JAZF1: variants seen among roughly 807,000 people sequenced by gnomAD.
The protein encoded by JAZF1 is JAZF zinc finger 1.
A neutral mutation model predicts 26.4 loss-of-function variants in JAZF1; 8 were observed. The ratio of observed to expected loss-of-function variants is 0.30; its 90% CI spans 0.18 to 0.55. The LOEUF is 0.55. Among genes scored for constraint, JAZF1 ranks in the 20% least tolerant of loss-of-function variants. JAZF1 has a pLI of 0.94. For missense variants in JAZF1, 199 were observed against 322.0 expected (o/e 0.62, Z 2.92); for synonymous variants, 126 against 122.3 (o/e 1.03, Z -0.20).
At chr7:28,090,880 G>A (rs1051810641) in intron 1 of JAZF1, among the ~76,000 whole-genome samples, 2 of 134,316 alleles carry the variant, frequency 1.5e-5, no homozygotes, top group Non-Finnish European at 3.0e-5. Flanking sequence ...ACTGCGGACT[G>A]CAGTGGCGCG....
At chr7:27,868,025 G>T (rs1235620555) in intron 3 of JAZF1, among the ~76,000 whole-genome samples, 1 of 152,134 alleles carries the variant, frequency 6.6e-6, no homozygotes, top group Non-Finnish European at 1.5e-5. Flanking sequence ...GACTCGCTTG[G>T]TGACTCAGGC....
At chr7:27,882,090 G>A (rs753169610) in intron 3 of JAZF1, among the ~76,000 whole-genome samples, 1 of 152,096 alleles carries the variant, frequency 6.6e-6, no homozygotes, top group Non-Finnish European at 1.5e-5. Context: ...AATTATTCAG[G>A]CTCCCTGAGA....
chr7:28,166,758 T>C (rs577823761), intron 1 of JAZF1, among the ~76,000 whole-genome samples: 7 of 152,336 alleles, frequency 4.6e-5, no homozygotes, highest in African/African-American at 1.7e-4. Context: ...GGCTGCTATA[T>C]TTTCAAACAG....
chr7:27,875,786 T>C (rs1308475835), intron 3 of JAZF1, among the ~76,000 whole-genome samples: 2 of 152,234 alleles, frequency 1.3e-5, no homozygotes, highest in Non-Finnish European at 2.9e-5. Context: ...ATTCATTAGG[T>C]ACACAGTAAG....
intron 3 of JAZF1, among the ~76,000 whole-genome samples, chr7:27,865,967 G>A (rs1783466383): frequency 6.6e-6 from 1 of 152,124 alleles, no homozygotes; most frequent in Admixed American, 6.5e-5. Context: ...AGTCACTTGG[G>A]GCTGTTCTGC....
intron 3 of JAZF1, among the ~76,000 whole-genome samples, chr7:27,873,000 C>T (rs567057590): frequency 1.3e-5 from 2 of 152,086 alleles, no homozygotes; most frequent in South Asian, 4.2e-4. Flanking sequence ...AAACCAGAGC[C>T]ATTTTGGGCC....
chr7:27,977,816 G>A (rs1785503078), intron 2 of JAZF1, among the ~76,000 whole-genome samples: 1 of 152,186 alleles, frequency 6.6e-6, no homozygotes, highest in African/African-American at 2.4e-5. Flanking sequence ...GTTCTGCCTG[G>A]ACTCTAGCTT....
intron 1 of JAZF1, among the ~76,000 whole-genome samples, chr7:28,127,567 C>T (rs978914675): frequency 6.6e-6 from 1 of 151,896 alleles, no homozygotes; most frequent in African/African-American, 2.4e-5. Context: ...AAAAAAGTGC[C>T]AAAAAGTTTT....
intron 1 of JAZF1, among the ~76,000 whole-genome samples, chr7:28,141,826 G>C (rs188214202): frequency 1.2e-4 from 19 of 152,196 alleles, no homozygotes; most frequent in African/African-American, 4.6e-4. Flanking sequence ...ATACCTACAT[G>C]TTTAAAATGA....
intron 1 of JAZF1, among the ~76,000 whole-genome samples, chr7:28,178,901 T>C (rs560804557): frequency 6.6e-6 from 1 of 152,370 alleles, no homozygotes; most frequent in East Asian, 1.9e-4. Context: ...AGACATTTTG[T>C]AGACGTTTCC....
chr7:28,085,995 T>G (rs2127918758), intron 1 of JAZF1, among the ~76,000 whole-genome samples: 1 of 152,358 alleles, frequency 6.6e-6, no homozygotes, highest in East Asian at 1.9e-4. Flanking sequence ...AACACAGCCT[T>G]TATTAGAAGA....
intron 3 of JAZF1, among the ~76,000 whole-genome samples, chr7:27,857,172 G>A (rs747367136): frequency 1.3e-4 from 20 of 152,238 alleles, no homozygotes; most frequent in Non-Finnish European, 1.2e-4. Context: ...CTCAGGCATG[G>A]TGGGCTGCAG....
intron 1 of JAZF1, among the ~76,000 whole-genome samples, chr7:28,135,568 C>T (rs927153034): frequency 2.0e-5 from 3 of 152,058 alleles, no homozygotes; most frequent in African/African-American, 4.8e-5. Flanking sequence ...ATCTGATAAC[C>T]GCCCCCCACA....
At chr7:27,904,148 G>A (rs931977058) in intron 2 of JAZF1, among the ~76,000 whole-genome samples, 2 of 152,196 alleles carry the variant, frequency 1.3e-5, no homozygotes, top group Non-Finnish European at 2.9e-5. Flanking sequence ...CAGTAAGTAA[G>A]CAAAACAGTG....
chr7:28,024,276 T>C (rs538502499), intron 1 of JAZF1, among the ~76,000 whole-genome samples: 34 of 151,904 alleles, frequency 2.2e-4, no homozygotes, highest in Non-Finnish European at 4.7e-4. Context: ...GTTTGGGTGA[T>C]AGAACAAGAC....
intron 2 of JAZF1, among the ~76,000 whole-genome samples, chr7:27,946,274 G>A (rs1326539523): frequency 6.6e-6 from 1 of 152,114 alleles, no homozygotes; most frequent in Non-Finnish European, 1.5e-5. Flanking sequence ...TAGTAAATTT[G>A]TTTAGTTTAA....
chr7:28,096,703 T>TA (rs139864816), intron 1 of JAZF1, among the ~76,000 whole-genome samples: 21 of 152,272 alleles, frequency 1.4e-4, no homozygotes, highest in Admixed American at 7.8e-4. Context: ...ATTTTTTTTT[T>TA]AATTCTCAAA....
chr7:28,065,196 G>A (rs1388364370), intron 1 of JAZF1, among the ~76,000 whole-genome samples: 1 of 152,126 alleles, frequency 6.6e-6, no homozygotes, highest in Non-Finnish European at 1.5e-5. Context: ...ATTTGGGGGT[G>A]GTAGGTTTTA....
intron 1 of JAZF1, among the ~76,000 whole-genome samples, chr7:28,146,658 A>G (rs1783033279): frequency 6.6e-6 from 1 of 152,160 alleles, no homozygotes; most frequent in Non-Finnish European, 1.5e-5. Flanking sequence ...TTGTCTCCCT[A>G]TTCCAAATGG....
Sources: gnomAD v4.1 joint callset for allele counts (sites outside exome capture counted in the v4.1 genomes callset) on GRCh38, gnomAD v4.1.1 for gene constraint, MANE v1.5 for transcripts, NCBI Gene and HGNC (gene_info 2026-07-23, HGNC 2026-07-21) for gene names.